Variants in TRPV4 observed in about 807,000 individuals in gnomAD.
TRPV4 encodes the protein OSM9-like transient receptor potential channel 4.
A neutral mutation model predicts 84.1 loss-of-function variants in TRPV4; 58 were observed. The observed-to-expected ratio is 0.69, with a 90% confidence interval of 0.56 to 0.86. The LOEUF (loss-of-function observed/expected upper bound fraction) is 0.86. Among genes scored for constraint, TRPV4 ranks in the 40% least tolerant of loss-of-function variants. TRPV4 has a pLI of 0.00. For missense variants in TRPV4, 879 were observed against 1,181.1 expected (o/e 0.74, Z 3.75); for synonymous variants, 489 against 500.9 (o/e 0.98, Z 0.32).
intron 4 of TRPV4, among the ~76,000 whole-genome samples, chr12:109,802,128 A>ATTT: frequency 7.5e-6 from 1 of 133,444 alleles, no homozygotes; most frequent in African/African-American, 3.2e-5. Flanking sequence ...GAATCTTGGA[A>ATTT]TCTTTTTTTT....
chr12:109,807,066 C>T (rs938232884), intron 3 of TRPV4, among the ~76,000 whole-genome samples: 13 of 152,000 alleles, frequency 8.6e-5, no homozygotes, highest in Non-Finnish European at 1.6e-4. Context: ...CACCTGAGGT[C>T]GAGAGTTCAA....
chr12:109,783,352 G>C lies in TRPV4; in HGVS notation c.*269C>G. ...CTGAGAGCAGAGCAAATAAATAATG[G>C]AGAGGCAGGGGCTGGGGCCTGAGGT... On this transcript the variant is annotated 3_prime_UTR_variant, in exon 16 of 16. Coordinates refer to ENST00000261740, the MANE Select transcript of TRPV4 (RefSeq NM_021625.5). This position sits in a 1 kb window ranked among gnomAD's most constrained non-coding sequence, Gnocchi z 4.6. The C allele has an allele frequency of 2.2e-6, 1 of 462,682 alleles. No homozygotes were observed. The highest frequency in any genetic ancestry group is 3.8e-6 in the Non-Finnish European group (1 of 260,666). 28.7% of individuals were successfully genotyped at this position (462,682 alleles called of 1,614,324 possible). A position where few individuals can be genotyped will look rare whatever the true frequency, so the allele number is the denominator to read the frequency against.
intron 1 of TRPV4, among the ~76,000 whole-genome samples, chr12:109,816,403 G>A (rs1234718941): frequency 1.3e-5 from 2 of 152,160 alleles, no homozygotes; most frequent in African/African-American, 2.4e-5. Context: ...TGCAAAATGG[G>A]TACAATTGTA....
At chr12:109,821,184 G>A (rs1344946666) in intron 1 of TRPV4, among the ~76,000 whole-genome samples, 2 of 152,246 alleles carry the variant, frequency 1.3e-5, no homozygotes, top group Admixed American at 6.5e-5. Context: ...GAGGAATCCA[G>A]GGAGCTGGTT....
intron 12 of TRPV4, among the ~76,000 whole-genome samples, chr12:109,791,297 C>G (rs532249304): frequency 6.6e-6 from 1 of 151,894 alleles, no homozygotes; most frequent in Non-Finnish European, 1.5e-5. Flanking sequence ...GCAAGAGAAT[C>G]GCTTGAACCC....
rs190957791 is a variant in TRPV4, at chr12:109,805,418, T to C, written c.560-2275A>G. On this transcript the variant is annotated intron_variant, in intron 3 of 15. Transcript: ENST00000261740. ...GGGAGAAGATGTCAGGAGCAGCATCTTCCCAGAGATGAGGTGGAACATGCA... is the reference window on the plus strand; with the variant it reads ...GGGAGAAGATGTCAGGAGCAGCATCCTCCCAGAGATGAGGTGGAACATGCA... Among the ~76,000 whole-genome samples, 230 of 152,314 alleles carry C rather than the reference T, an allele frequency of 1.5e-3. 1 individual carries two copies. Among genetic ancestry groups the C allele is most frequent in the Admixed American group, 7.1e-3 (109 of 15,294 alleles).
intron 3 of TRPV4, among the ~76,000 whole-genome samples, chr12:109,806,701 A>G (rs1264482454): frequency 4.0e-4 from 1 of 2,482 alleles, no homozygotes; most frequent in Non-Finnish European, 2.4e-3. Context: ...AAAAAAAAGA[A>G]AAAAAAAAAT....
At chr12:109,790,333 A>T (rs1487982524) in intron 12 of TRPV4, among the ~76,000 whole-genome samples, 1 of 152,092 alleles carries the variant, frequency 6.6e-6, no homozygotes, top group Non-Finnish European at 1.5e-5. Context: ...TTGATGTCAG[A>T]TTACCCACAC....
intron 1 of TRPV4, among the ~76,000 whole-genome samples, chr12:109,818,370 C>T (rs755738835): frequency 6.6e-6 from 1 of 151,556 alleles, no homozygotes; most frequent in Non-Finnish European, 1.5e-5. Flanking sequence ...ACAACATCAA[C>T]AGCGCTGAGG....
intron 2 of TRPV4, among the ~76,000 whole-genome samples, chr12:109,810,211 G>T (rs1329536468): frequency 6.6e-6 from 1 of 152,252 alleles, no homozygotes; most frequent in Non-Finnish European, 1.5e-5. Flanking sequence ...CATGAGGCAG[G>T]AATGCTCTCT....
At position 109,798,960 on chromosome 12, in the gene TRPV4, T is replaced by G; in HGVS notation, c.854-48A>C. 6.4e-7 allele frequency: 1 copy of G among 1,565,116 alleles called. No homozygotes were observed. The highest frequency in any genetic ancestry group is 8.7e-7 in the Non-Finnish European group (1 of 1,152,418). ...GGAGGTCAGCGAAGGGGGCCCAGGG[T>G]GGGACTCTGCCTGCAGACACTCGGG... On this transcript the variant is annotated intron_variant, in intron 5 of 15. Transcript: ENST00000261740. This position sits in a 1 kb window ranked among gnomAD's most constrained non-coding sequence, Gnocchi z 5.0.
In TRPV4 at chr12:109,815,591, G is replaced by A. The variant is rs186542911; in HGVS notation, c.-31-764C>T. ...TCAACTCCTCCCCACTGGTGTTCCA[G>A]CTCAACTGGGCTCCTCTGGAAAGCC... On this transcript the variant is annotated intron_variant, in intron 1 of 15. Coordinates refer to ENST00000261740, the MANE Select transcript of TRPV4 (RefSeq NM_021625.5). The surrounding 1 kb of genome is among the most constrained non-coding windows in gnomAD (Gnocchi z 4.1). Among the ~76,000 whole-genome samples the A allele has an allele frequency of 1.3e-5, 2 of 152,154 alleles. No homozygotes were observed. The highest frequency in any genetic ancestry group is 2.9e-5 in the Non-Finnish European group (2 of 68,022).
intron 1 of TRPV4, chr12:109,832,796 C>T (rs1344287882): frequency 6.9e-6 from 1 of 144,682 alleles, no homozygotes; most frequent in Non-Finnish European, 1.5e-5. Context: ...CCCCCACCCC[C>T]GCTACCCACC....
At position 109,798,661 on chromosome 12, in the gene TRPV4, CGTT is replaced by C; in HGVS notation, c.1102_1104del (p.Asn368del). 2 of 1,613,342 alleles carry C rather than the reference CGTT, an allele frequency of 1.2e-6. No individual in the cohort carries two copies. The highest frequency in any genetic ancestry group is 1.7e-6 in the Non-Finnish European group (2 of 1,180,032). On this transcript the variant is annotated inframe_deletion, in exon 6 of 16. Coordinates refer to ENST00000261740, the MANE Select transcript of TRPV4 (RefSeq NM_021625.5). This position sits in a 1 kb window ranked among gnomAD's most constrained non-coding sequence, Gnocchi z 5.0. ...GCCATCATGAGGGGCGAGAGGCCGTCGTTGTTGAGCACGGCCTCCAGGTTGCTG... is the reference window on the plus strand; with the variant it reads ...GCCATCATGAGGGGCGAGAGGCCGTCGTTGAGCACGGCCTCCAGGTTGCTG...
chr12:109,792,259 A>AG, intron 12 of TRPV4, 104 bp downstream of exon 12: 1 of 895,098 alleles, frequency 1.1e-6, no homozygotes, highest in East Asian at 3.0e-5. Context: ...AAAAAAAAAA[A>AG]AAAAAAGAAC....
intron 2 of TRPV4, among the ~76,000 whole-genome samples, chr12:109,809,081 TCATC>T (rs1212651546): frequency 4.0e-5 from 4 of 99,518 alleles, no homozygotes; most frequent in Non-Finnish European, 6.0e-5. Flanking sequence ...ATCTGCCCAC[TCATC>T]CATCCATCCA....
rs376027660 is a variant in TRPV4 at position 109,786,867 on chromosome 12, C to T, written c.2209-30G>A. 193 of 1,613,048 alleles carry T rather than the reference C, an allele frequency of 1.2e-4. No homozygotes were observed. The highest frequency in any genetic ancestry group is 5.0e-4 in the Middle Eastern group (3 of 6,012). ...GGGGAGGGAGGGTCAGGAGGGACAT[C>T]GGTGAGCCTCACAGCCTGCGCCTGC... is the stretch of plus-strand genomic sequence containing the variant. On this transcript the variant is annotated intron_variant, in intron 13 of 15. Coordinates refer to ENST00000261740, the MANE Select transcript of TRPV4 (RefSeq NM_021625.5). This position sits in a 1 kb window ranked among gnomAD's most constrained non-coding sequence, Gnocchi z 4.5.
At chr12:109,830,639 G>A (rs1349023851) in intron 1 of TRPV4, among the ~76,000 whole-genome samples, 1 of 152,126 alleles carries the variant, frequency 6.6e-6, no homozygotes, top group Non-Finnish European at 1.5e-5. Context: ...ACAACAAGAG[G>A]AGCTGTTACC....
In TRPV4 at chr12:109,814,635, G is replaced by A; in HGVS notation, c.162C>T (p.Ala54=). The change falls in exon 2 of 16, where the codon GCC becomes GCT. Residue 54 remains alanine (A), a synonymous_variant. Coordinates refer to ENST00000261740, the MANE Select transcript of TRPV4 (RefSeq NM_021625.5). This position sits in a 1 kb window ranked among gnomAD's most constrained non-coding sequence, Gnocchi z 5.4. ...DGSLSPSPAD[A]SRPAGPGDGR... is the part of the protein sequence containing the mutation. ...CATCGCCTGGGCCAGCAGGGCGACTGGCATCAGCCGGTGAGGGCGAAAGGG... is the reference window on the plus strand; with the variant it reads ...CATCGCCTGGGCCAGCAGGGCGACTAGCATCAGCCGGTGAGGGCGAAAGGG... The A allele has an allele frequency of 6.2e-7, 1 of 1,613,846 alleles. No individual in the cohort carries two copies. The highest frequency in any genetic ancestry group is 8.5e-7 in the Non-Finnish European group (1 of 1,179,972).
Sources: gnomAD v4.1 joint callset for allele counts (sites outside exome capture counted in the v4.1 genomes callset) on GRCh38, gnomAD v4.1.1 for gene constraint, Gnocchi (gnomAD v3.1) non-coding constraint, MANE v1.5 for transcripts, NCBI Gene and HGNC (gene_info 2026-07-23, HGNC 2026-07-21) for gene names.